RYK: variants seen among roughly 807,000 people sequenced by gnomAD.
RYK encodes the protein receptor like tyrosine kinase.
RYK carries 21 observed loss-of-function variants against 70.2 expected under a neutral mutation model. That is an observed-to-expected ratio of 0.30 (90% CI 0.21 to 0.43). The LOEUF (loss-of-function observed/expected upper bound fraction) is 0.43. Ranked by LOEUF, RYK falls within the 20% of genes least tolerant of loss-of-function variation. The pLI, the probability that RYK is intolerant of heterozygous loss-of-function variation, is 1.00. For synonymous variants in RYK, 267 were observed against 278.0 expected, an observed-to-expected ratio of 0.96 and a Z score of 0.39; for missense variants, 604 against 753.3, an observed-to-expected ratio of 0.80 and a Z score of 2.32.
intron 1 of RYK, among the ~76,000 whole-genome samples, chr3:134,242,439 T>G (rs1428600174): frequency 2.0e-5 from 3 of 152,248 alleles, no homozygotes; most frequent in Non-Finnish European, 2.9e-5. Context: ...TTTGGCACAT[T>G]TTAAGAGGAC....
At chr3:134,242,305 CAAA>C (rs1164147101) in intron 1 of RYK, among the ~76,000 whole-genome samples, 2 of 114,452 alleles carry the variant, frequency 1.7e-5, no homozygotes, top group African/African-American at 3.2e-5. Flanking sequence ...AACTCCGTCT[CAAA>C]AAAAAAAAAA....
intron 13 of RYK, among the ~76,000 whole-genome samples, chr3:134,172,529 C>G (rs956832589): frequency 1.3e-5 from 2 of 152,146 alleles, no homozygotes; most frequent in African/African-American, 2.4e-5. Context: ...TAGAACTAGT[C>G]CTTACTGTCA....
chr3:134,200,811 C>T (rs542852264), intron 6 of RYK, among the ~76,000 whole-genome samples: 2 of 152,322 alleles, frequency 1.3e-5, no homozygotes, highest in South Asian at 4.2e-4. Context: ...TACTCTTGAC[C>T]ACTAGACTAT....
At chr3:134,164,845 C>G (rs1245192426) in intron 13 of RYK, among the ~76,000 whole-genome samples, 1 of 152,232 alleles carries the variant, frequency 6.6e-6, no homozygotes, top group African/African-American at 2.4e-5. Context: ...ATTTTACATT[C>G]CTGCCAGCAG....
intron 2 of RYK, among the ~76,000 whole-genome samples, chr3:134,220,978 A>G (rs1368606351): frequency 2.0e-5 from 3 of 152,144 alleles, no homozygotes; most frequent in African/African-American, 7.2e-5. Flanking sequence ...ATACATCCAT[A>G]CAATCTCATA....
chr3:134,197,238 A>C (rs2013846158), intron 6 of RYK, among the ~76,000 whole-genome samples: 1 of 152,186 alleles, frequency 6.6e-6, no homozygotes, highest in Non-Finnish European at 1.5e-5. Context: ...TACAGAATTG[A>C]TCTATATGAG....
At chr3:134,181,083 A>G (rs1488874342) in intron 10 of RYK, 1 of 152,196 alleles carries the variant, frequency 6.6e-6, no homozygotes, top group African/African-American at 2.4e-5. Flanking sequence ...TTCTTGGGAA[A>G]ATCCTGGCTT....
chr3:134,205,952 A>G (rs1231595856), intron 5 of RYK, among the ~76,000 whole-genome samples: 1 of 152,204 alleles, frequency 6.6e-6, no homozygotes, highest in East Asian at 1.9e-4. Flanking sequence ...AAGGGCGGGA[A>G]GATGAGAGGC....
At chr3:134,198,137 G>A (rs114526842) in intron 6 of RYK, among the ~76,000 whole-genome samples, 15 of 152,334 alleles carry the variant, frequency 9.8e-5, no homozygotes, top group Non-Finnish European at 1.6e-4. Flanking sequence ...AGATTAAAAT[G>A]TATATTTGCT....
At chr3:134,169,815 T>C (rs1182684030) in intron 13 of RYK, among the ~76,000 whole-genome samples, 1 of 152,174 alleles carries the variant, frequency 6.6e-6, no homozygotes, top group African/African-American at 2.4e-5. Flanking sequence ...TACATTTACA[T>C]CTAAAAATAT....
intron 13 of RYK, among the ~76,000 whole-genome samples, chr3:134,162,113 T>C (rs2012495193): frequency 6.6e-6 from 1 of 152,204 alleles, no homozygotes; most frequent in Non-Finnish European, 1.5e-5. Context: ...TGTGTCTCTT[T>C]TCTTAGGGTG....
chr3:134,242,906 T>G (rs1055956214), intron 1 of RYK, among the ~76,000 whole-genome samples: 4 of 152,134 alleles, frequency 2.6e-5, no homozygotes, highest in Admixed American at 6.5e-5. Flanking sequence ...TCTGCCTGTC[T>G]CCCAATGAAG....
chr3:134,214,126 CAT>C (rs1394876649), intron 2 of RYK, among the ~76,000 whole-genome samples: 1 of 152,104 alleles, frequency 6.6e-6, no homozygotes, highest in African/African-American at 2.4e-5. Context: ...AGCTTCTACT[CAT>C]AATGGCTACT....
chr3:134,195,033 A>T, intron 7 of RYK, 49 bp downstream of exon 7: 1 of 1,274,976 alleles, frequency 7.8e-7, no homozygotes, highest in Non-Finnish European at 1.1e-6. Flanking sequence ...ACTGGGAAGC[A>T]GCATAGACAA....
Position 134,191,702 on chromosome 3 carries a change from T to C in RYK, c.1015+147A>G, listed in dbSNP as rs534812286. On this transcript the variant is annotated intron_variant, in intron 8 of 14. Transcript: ENST00000623711. ...ATTCAAGTATAGGAGCAAATGAAAA[T>C]AATTTTTATAAAAGAAAAACCATAC... 9.9e-6 allele frequency: 6 copies of C among 608,054 alleles called. No individual in the cohort carries two copies. In the African/African-American group the frequency reaches 1.2e-4, roughly 12 times the overall value. The allele number at this position is 608,054 out of a possible 1,614,324, so 37.7% of individuals were successfully genotyped here.
At chr3:134,227,553 A>AT (rs1284914203) in intron 1 of RYK, among the ~76,000 whole-genome samples, 2 of 152,022 alleles carry the variant, frequency 1.3e-5, no homozygotes, top group Non-Finnish European at 2.9e-5. Context: ...GAAAAAAAAA[A>AT]CCTTAAAATG....
At chr3:134,182,375 A>T (rs1319830076) in intron 10 of RYK, among the ~76,000 whole-genome samples, 1 of 152,152 alleles carries the variant, frequency 6.6e-6, no homozygotes, top group African/African-American at 2.4e-5. Context: ...TAACTTTGTC[A>T]AAGACAACAG....
chr3:134,158,543 ATG>A (rs549288173), intron 14 of RYK, among the ~76,000 whole-genome samples: 274 of 152,334 alleles, frequency 1.8e-3, no homozygotes, highest in Non-Finnish European at 2.7e-3. Context: ...TAAAAAAAGA[ATG>A]TGTGTTTTCC....
At chr3:134,238,483 T>C (rs561002405) in intron 1 of RYK, among the ~76,000 whole-genome samples, 17 of 152,324 alleles carry the variant, frequency 1.1e-4, no homozygotes, top group African/African-American at 4.1e-4. Flanking sequence ...TCAGACTGCC[T>C]TCTTTCTGCC....
Sources: allele counts gnomAD v4.1 joint callset (sites outside exome capture counted in the v4.1 genomes callset), GRCh38; gene constraint gnomAD v4.1.1; transcripts MANE v1.5; gene names NCBI Gene and HGNC (gene_info 2026-07-23, HGNC 2026-07-21).